The following PRKAG2 variants were observed in gnomAD, a reference collection of about 807,000 sequenced individuals.
PRKAG2 encodes protein kinase AMP-activated non-catalytic subunit gamma 2, also known as 5'-AMP-activated protein kinase subunit gamma-2.
A neutral mutation model predicts 69.6 loss-of-function variants in PRKAG2; 26 were observed. The ratio of observed to expected loss-of-function variants is 0.37; its 90% confidence interval spans 0.27 to 0.52. PRKAG2 has a LOEUF of 0.52. Among genes scored for constraint, PRKAG2 ranks in the 20% least tolerant of loss-of-function variants. PRKAG2 has a pLI of 0.90. For missense variants in PRKAG2, 557 were observed against 740.0 expected (o/e 0.75, Z 2.87); for synonymous variants, 293 against 285.0 (o/e 1.03, Z -0.28).
At chr7:151,782,429 GA>G (rs2076766220) in intron 2 of PRKAG2, among the ~76,000 whole-genome samples, 3 of 60,498 alleles carry the variant, frequency 5.0e-5, no homozygotes, top group Non-Finnish European at 8.4e-5. Flanking sequence ...AGGAAGGAAA[GA>G]AAGAAGGAAA....
At chr7:151,838,706 C>G (rs1278731498) in intron 1 of PRKAG2, among the ~76,000 whole-genome samples, 7 of 92,220 alleles carry the variant, frequency 7.6e-5, no homozygotes, top group African/African-American at 2.8e-4. Context: ...GACCCTGTTT[C>G]AAAAAAAAAA....
rs1824915663 is a variant in PRKAG2 at position 151,632,535 on chromosome 7, C to T, written c.685-397G>A. On this transcript the variant is annotated intron_variant, in intron 4 of 15. Transcript: ENST00000287878. This position sits in a 1 kb window ranked among gnomAD's most constrained non-coding sequence, Gnocchi z 4.2. ...CCGTGCCGCCATTGGGAGAGGCCCG[C>T]GGCCCGCCCCCACTCCGCCCCCCGG... 3 of 978,200 alleles carry T rather than the reference C, an allele frequency of 3.1e-6. No homozygotes were observed. The highest frequency in any genetic ancestry group is 1.8e-5 in the African/African-American group (1 of 57,006). 60.6% of individuals were successfully genotyped at this position (978,200 alleles called of 1,614,324 possible).
chr7:151,645,644 T>A lies in PRKAG2; in HGVS notation c.685-13506A>T, dbSNP rs55862840. Reference sequence around the variant, plus strand: ...ACACATGTACTGTGAATAGTGAATATTTTCTCTCCTTCTGTGGCTTGCCTT... The same window carrying A: ...ACACATGTACTGTGAATAGTGAATAATTTCTCTCCTTCTGTGGCTTGCCTT... On this transcript the variant is annotated intron_variant, in intron 4 of 15. Coordinates refer to ENST00000287878, the MANE Select transcript of PRKAG2 (RefSeq NM_016203.4). 5.2e-3 allele frequency among the ~76,000 whole-genome samples: 797 copies of A among 152,310 alleles called. 2 individuals carry two copies. Among genetic ancestry groups the A allele is most frequent in the African/African-American group, 0.018 (768 of 41,574 alleles).
chr7:151,805,996 C>A (rs2078080567), intron 1 of PRKAG2, among the ~76,000 whole-genome samples: 1 of 152,208 alleles, frequency 6.6e-6, no homozygotes, highest in Non-Finnish European at 1.5e-5. Context: ...GTCAGGAGTT[C>A]TAGACCAGCC....
rs533246020 is a variant in PRKAG2 at position 151,780,657 on chromosome 7, G to T, written c.466+495C>A. ...TCCCTCCTAGCTTCCATTCCCTGCTGCCCAGAGCCCCAAACAGAAAAAGTT... is the reference window on the plus strand; with the variant it reads ...TCCCTCCTAGCTTCCATTCCCTGCTTCCCAGAGCCCCAAACAGAAAAAGTT... On this transcript the variant is annotated intron_variant, in intron 3 of 15. Coordinates refer to ENST00000287878, the MANE Select transcript of PRKAG2 (RefSeq NM_016203.4). The surrounding 1 kb of genome is among the most constrained non-coding windows in gnomAD (Gnocchi z 4.2). Among the ~76,000 whole-genome samples the T allele has an allele frequency of 4.6e-5, 7 of 152,174 alleles. No individual in the cohort carries two copies. The South Asian group carries it at 1.5e-3, about 32-fold the overall frequency.
Position 151,766,918 on chromosome 7 carries a change from C to T in PRKAG2, c.466+14234G>A, listed in dbSNP as rs536411390. ...TGTCATGGGTTGAATTGTGTCCCTC[C>T]AAAAGTCACATGTTGAAATCCTAAC... On this transcript the variant is annotated intron_variant, in intron 3 of 15. Coordinates refer to ENST00000287878, the MANE Select transcript of PRKAG2 (RefSeq NM_016203.4). Among the ~76,000 whole-genome samples the T allele has an allele frequency of 2.6e-5, 4 of 152,270 alleles. No homozygotes were observed. In the East Asian group the frequency reaches 5.8e-4, roughly 22 times the overall value.
chr7:151,845,867 C>T (rs995108913), intron 1 of PRKAG2, among the ~76,000 whole-genome samples: 1 of 152,200 alleles, frequency 6.6e-6, no homozygotes, highest in South Asian at 2.1e-4. Flanking sequence ...CAGAGTCTGC[C>T]GCTCCCTCAG....
At chr7:151,854,422 G>A (rs1330542953) in intron 1 of PRKAG2, among the ~76,000 whole-genome samples, 1 of 152,228 alleles carries the variant, frequency 6.6e-6, no homozygotes, top group Non-Finnish European at 1.5e-5. Context: ...CACGCCATCA[G>A]GGCTGCTGTC....
chr7:151,849,187 G>A (rs1358712096), intron 1 of PRKAG2, among the ~76,000 whole-genome samples: 2 of 152,378 alleles, frequency 1.3e-5, no homozygotes, highest in African/African-American at 4.8e-5. Context: ...CTGCCTGGCA[G>A]GCCGCAGGCC....
chr7:151,635,719 G>A (rs1419366060), intron 4 of PRKAG2, among the ~76,000 whole-genome samples: 1 of 152,196 alleles, frequency 6.6e-6, no homozygotes, highest in Non-Finnish European at 1.5e-5. Context: ...ATGGCTATAA[G>A]AGGATAATGT....
intron 2 of PRKAG2, among the ~76,000 whole-genome samples, chr7:151,783,531 A>C (rs1320579464): frequency 6.6e-6 from 1 of 151,804 alleles, no homozygotes; most frequent in Non-Finnish European, 1.5e-5. Context: ...TAATATGAAA[A>C]GCATTTAGAT....
At chr7:151,733,611 T>A (rs1002237700) in intron 3 of PRKAG2, among the ~76,000 whole-genome samples, 1 of 152,184 alleles carries the variant, frequency 6.6e-6, no homozygotes, top group African/African-American at 2.4e-5. Context: ...ATAAAAGTCA[T>A]CTTTTTAGAC....
rs139361070 is a variant in PRKAG2 at position 151,665,420 on chromosome 7, G to A, written c.684+10000C>T. On this transcript the variant is annotated intron_variant, in intron 4 of 15. Transcript: ENST00000287878. ...AAAAGGGCCACGCTCCCAGTCGTGT[G>A]TGTCTCTCTCTCTGCCTTCTTTCTG... Among the ~76,000 whole-genome samples the A allele has an allele frequency of 9.8e-5, 15 of 152,346 alleles. No homozygotes were observed. In the East Asian group the frequency reaches 2.9e-3, roughly 29 times the overall value.
chr7:151,589,200 C>T (rs942344524), intron 6 of PRKAG2, among the ~76,000 whole-genome samples: 13 of 152,228 alleles, frequency 8.5e-5, no homozygotes, highest in Non-Finnish European at 1.0e-4. Flanking sequence ...ACCTGGGCAC[C>T]GAGGCACCTC....
At chr7:151,765,578 C>T (rs1177991362) in intron 3 of PRKAG2, among the ~76,000 whole-genome samples, 2 of 152,164 alleles carry the variant, frequency 1.3e-5, no homozygotes, top group African/African-American at 4.8e-5. Flanking sequence ...CCTGGGTCTC[C>T]GTCATCACTG....
At chr7:151,662,497 C>T (rs550939002) in intron 4 of PRKAG2, among the ~76,000 whole-genome samples, 1 of 152,226 alleles carries the variant, frequency 6.6e-6, no homozygotes, top group African/African-American at 2.4e-5. Flanking sequence ...ACTCCTGTGG[C>T]TGTAATTCAG....
chr7:151,558,885 G>C (rs893900027), intron 15 of PRKAG2: 1 of 985,290 alleles, frequency 1.0e-6, no homozygotes, highest in African/African-American at 1.7e-5. Flanking sequence ...CATTCTTATG[G>C]TTTGAGATAT....
chr7:151,859,254 C>T (rs1199122335), intron 1 of PRKAG2, among the ~76,000 whole-genome samples: 4 of 152,346 alleles, frequency 2.6e-5, no homozygotes, highest in Non-Finnish European at 4.4e-5. Context: ...CGGGGAACGG[C>T]GTCAGACGGG....
chr7:151,686,832 A>G (rs1834814008), intron 3 of PRKAG2, among the ~76,000 whole-genome samples: 1 of 152,186 alleles, frequency 6.6e-6, no homozygotes, highest in African/African-American at 2.4e-5. Context: ...AATCTGTTTT[A>G]TGATCTTTTG....
Sources: allele counts gnomAD v4.1 joint callset (sites outside exome capture counted in the v4.1 genomes callset), GRCh38; gene constraint gnomAD v4.1.1; non-coding constraint Gnocchi (gnomAD v3.1); transcripts MANE v1.5; gene names NCBI Gene and HGNC (gene_info 2026-07-23, HGNC 2026-07-21).